SRGAP3: variants seen among roughly 807,000 people sequenced by gnomAD.
The protein encoded by SRGAP3 is SLIT-ROBO Rho GTPase-activating protein 3.
Under a neutral mutation model 121.1 loss-of-function variants are expected in SRGAP3, and 39 were observed. The observed-to-expected ratio is 0.32, with a 90% confidence interval of 0.25 to 0.42. The LOEUF (loss-of-function observed/expected upper bound fraction) is 0.42, where lower values mean the gene tolerates loss of function less well. SRGAP3 is among the 10% of genes least tolerant of loss of function. The probability of loss-of-function intolerance (pLI) is 1.00; values close to 1 mark genes in which losing one functional copy is unlikely to be tolerated. For missense variants in SRGAP3, 1,213 were observed against 1,470.6 expected, an observed-to-expected ratio of 0.82 and a Z score of 2.86; for synonymous variants, 601 against 570.0, an observed-to-expected ratio of 1.05 and a Z score of -0.77.
intron 1 of SRGAP3, among the ~76,000 whole-genome samples, chr3:9,154,494 T>C (rs1950335238): frequency 1.3e-5 from 2 of 151,612 alleles, no homozygotes; most frequent in African/African-American, 4.9e-5. Flanking sequence ...GCTTCATTCC[T>C]ACCTCTACGT....
At chr3:9,275,408 C>T (rs966261155) in intron 3 of SRGAP3, among the ~76,000 whole-genome samples, 13 of 152,130 alleles carry the variant, frequency 8.5e-5, no homozygotes, top group African/African-American at 3.1e-4. Context: ...CATCTATCCA[C>T]TGCTCTTCAA....
chr3:9,209,510 T>C (rs1208572531), intron 1 of SRGAP3, among the ~76,000 whole-genome samples: 2 of 152,154 alleles, frequency 1.3e-5, no homozygotes, highest in Non-Finnish European at 2.9e-5. Flanking sequence ...TATTGACAAG[T>C]GTGTGAGGAC....
intron 1 of SRGAP3, among the ~76,000 whole-genome samples, chr3:9,158,655 G>A (rs888631454): frequency 6.6e-6 from 1 of 152,184 alleles, no homozygotes; most frequent in Non-Finnish European, 1.5e-5. Context: ...CCTCTGCAGA[G>A]AAATTTAAGA....
At chr3:9,273,832 C>A in intron 3 of SRGAP3, among the ~76,000 whole-genome samples, 1 of 149,948 alleles carries the variant, frequency 6.7e-6, no homozygotes, top group Admixed American at 6.6e-5. Context: ...TTTTCCAAAA[C>A]CATTTGTTAA....
rs771275529 is a variant in SRGAP3, at chr3:8,994,303, C to A, written c.2408+40G>T. On this transcript the variant is annotated intron_variant, in intron 19 of 21. Coordinates refer to ENST00000383836, the MANE Select transcript of SRGAP3 (RefSeq NM_014850.4). ...GGTGCCCATCCCAGACATCACTAAT[C>A]TATTTCGGCATTCTTCACAGAATTC... The A allele has an allele frequency of 1.9e-5, 30 of 1,612,106 alleles. 2 individuals carry two copies. The South Asian group carries it at 3.1e-4, about 17-fold the overall frequency.
chr3:9,279,877 C>A (rs938309861), intron 3 of SRGAP3, among the ~76,000 whole-genome samples: 3 of 152,138 alleles, frequency 2.0e-5, no homozygotes, highest in Non-Finnish European at 4.4e-5. Context: ...GCAGACCCCA[C>A]AATGGACACA....
chr3:9,077,320 C>A (rs1241226628), intron 4 of SRGAP3, among the ~76,000 whole-genome samples: 2 of 152,108 alleles, frequency 1.3e-5, no homozygotes, highest in African/African-American at 4.8e-5. Context: ...ATTCATGATC[C>A]CCCACTGTGC....
At chr3:9,277,464 T>C (rs1954606313) in intron 3 of SRGAP3, among the ~76,000 whole-genome samples, 1 of 151,070 alleles carries the variant, frequency 6.6e-6, no homozygotes, top group Admixed American at 6.6e-5. Context: ...AAAAATTAGC[T>C]GGGCATAGTG....
intron 3 of SRGAP3, among the ~76,000 whole-genome samples, chr3:9,280,009 T>C (rs996148529): frequency 2.0e-5 from 3 of 152,208 alleles, no homozygotes; most frequent in African/African-American, 7.2e-5. Context: ...CCAGTGCCTC[T>C]GGCATTTGGT....
chr3:8,990,368 G>A lies in SRGAP3; in HGVS notation c.2886+144C>T. The A allele has an allele frequency of 2.8e-6, 3 of 1,077,676 alleles. No homozygotes were observed. In the South Asian group the frequency reaches 4.5e-5, roughly 16 times the overall value. The allele number at this position is 1,077,676 out of a possible 1,614,324, so 66.8% of individuals were successfully genotyped here. On this transcript the variant is annotated intron_variant, in intron 21 of 21. Coordinates refer to ENST00000383836, the MANE Select transcript of SRGAP3 (RefSeq NM_014850.4). Reference sequence around the variant, plus strand: ...CACTCCCACGGGAAGCCCAGCAAGGGACGGGGAGGCCACTCACTCTCCTGT... The same window carrying A: ...CACTCCCACGGGAAGCCCAGCAAGGAACGGGGAGGCCACTCACTCTCCTGT...
chr3:9,053,860 C>T (rs553477487), intron 8 of SRGAP3, among the ~76,000 whole-genome samples: 10 of 152,364 alleles, frequency 6.6e-5, no homozygotes, highest in Non-Finnish European at 5.9e-5. Context: ...CCTGACCTTA[C>T]AACACCCCTT....
chr3:9,058,654 C>G, intron 6 of SRGAP3, 182 bp from the exon 7 acceptor site: 1 of 557,522 alleles, frequency 1.8e-6, no homozygotes, highest in South Asian at 1.9e-5. Flanking sequence ...AGGGGAGTTG[C>G]GGTTGAGATT....
At chr3:9,313,205 A>G (rs573717438) in intron 3 of SRGAP3, among the ~76,000 whole-genome samples, 10 of 152,248 alleles carry the variant, frequency 6.6e-5, no homozygotes, top group African/African-American at 2.4e-4. Flanking sequence ...TTGCTGTTGC[A>G]TTCACCTGGA....
At chr3:9,234,694 C>T (rs1306409489) in intron 1 of SRGAP3, among the ~76,000 whole-genome samples, 2 of 152,154 alleles carry the variant, frequency 1.3e-5, no homozygotes, top group Non-Finnish European at 2.9e-5. Context: ...CTCTCACCAG[C>T]AATCGGAAGC....
intron 20 of SRGAP3, among the ~76,000 whole-genome samples, chr3:8,992,027 T>C (rs1359647146): frequency 1.3e-5 from 2 of 152,224 alleles, no homozygotes; most frequent in East Asian, 3.8e-4. Flanking sequence ...CCTGACCTTC[T>C]CAATTCCACC....
chr3:9,111,881 C>T (rs1234275038), intron 2 of SRGAP3, among the ~76,000 whole-genome samples: 1 of 152,216 alleles, frequency 6.6e-6, no homozygotes, highest in Non-Finnish European at 1.5e-5. Context: ...GCAGAAGCTG[C>T]TGAACTAAGA....
At chr3:9,004,213 TA>T (rs1942933436) in intron 18 of SRGAP3, among the ~76,000 whole-genome samples, 1 of 152,076 alleles carries the variant, frequency 6.6e-6, no homozygotes, top group South Asian at 2.1e-4. Context: ...GACAAAAGGA[TA>T]AAAGGCACTC....
At chr3:9,079,916 G>T in intron 4 of SRGAP3, 109 bp downstream of exon 4, 3 of 1,179,300 alleles carry the variant, frequency 2.5e-6, no homozygotes, top group Non-Finnish European at 3.7e-6. Context: ...ATAAAACGCA[G>T]CAAAAAAGGC....
At chr3:9,124,379 AG>A (rs1949139643) in intron 2 of SRGAP3, among the ~76,000 whole-genome samples, 1 of 152,148 alleles carries the variant, frequency 6.6e-6, no homozygotes, top group Admixed American at 6.5e-5. Flanking sequence ...GAAGGGAGGT[AG>A]GGGTCTCACC....
Sources: gnomAD v4.1 joint callset for allele counts (sites outside exome capture counted in the v4.1 genomes callset) on GRCh38, gnomAD v4.1.1 for gene constraint, MANE v1.5 for transcripts, NCBI Gene and HGNC (gene_info 2026-07-23, HGNC 2026-07-21) for gene names.